TCERG1L: variants seen among roughly 807,000 people sequenced by gnomAD.
TCERG1L encodes transcription elongation regulator 1-like protein.
A neutral mutation model predicts 56.3 loss-of-function variants in TCERG1L; 37 were observed. The ratio of observed to expected loss-of-function variants is 0.66; its 90% CI spans 0.51 to 0.87. The LOEUF is 0.87. Ranked by LOEUF, TCERG1L falls within the 40% of genes least tolerant of loss-of-function variation. The pLI, the probability that TCERG1L is intolerant of heterozygous loss-of-function variation, is 0.00. For missense variants in TCERG1L, 799 were observed against 774.2 expected (o/e 1.03, Z -0.38); for synonymous variants, 324 against 326.3 (o/e 0.99, Z 0.08).
intron 11 of TCERG1L, among the ~76,000 whole-genome samples, chr10:131,095,057 T>A (rs1033331622): frequency 1.3e-5 from 2 of 152,158 alleles, no homozygotes; most frequent in African/African-American, 4.8e-5. Context: ...CTCACGAAGG[T>A]CAGCTGATTC....
At chr10:131,193,119 T>A (rs1323802087) in intron 4 of TCERG1L, among the ~76,000 whole-genome samples, 3 of 152,248 alleles carry the variant, frequency 2.0e-5, no homozygotes, top group Non-Finnish European at 4.4e-5. Flanking sequence ...TGATGTTAAG[T>A]ATTTGTCATA....
At chr10:131,158,039 T>A (rs1382724358) in intron 6 of TCERG1L, among the ~76,000 whole-genome samples, 1 of 152,270 alleles carries the variant, frequency 6.6e-6, no homozygotes, top group East Asian at 1.9e-4. Flanking sequence ...AGTATTACAT[T>A]AATGCTTTCA....
At chr10:131,256,992 G>GGAAGGAAGGAAAGGAAGAAAGAAAGAAA (rs1846173015) in intron 4 of TCERG1L, among the ~76,000 whole-genome samples, 2 of 59,170 alleles carry the variant, frequency 3.4e-5, no homozygotes, top group African/African-American at 1.1e-4. Context: ...AAGGAAGGAA[G>GGAAGGAAGGAAAGGAAGAAAGAAAGAAA]GAAAGAAAGA....
At chr10:131,109,497 T>G (rs1845389513) in intron 9 of TCERG1L, among the ~76,000 whole-genome samples, 1 of 152,178 alleles carries the variant, frequency 6.6e-6, no homozygotes, top group African/African-American at 2.4e-5. Flanking sequence ...TGTCTGTGGC[T>G]GTGTCTGTGA....
chr10:131,176,617 CACACCATGACATGTGCACAT>C, intron 4 of TCERG1L, among the ~76,000 whole-genome samples: 1 of 151,848 alleles, frequency 6.6e-6, no homozygotes, highest in Non-Finnish European at 1.5e-5. Flanking sequence ...GACACGTGCA[CACACCATGACATGTGCACAT>C]ACACCAAGAC....
chr10:131,151,809 G>T (rs569917126), intron 6 of TCERG1L, among the ~76,000 whole-genome samples: 1 of 152,188 alleles, frequency 6.6e-6, no homozygotes, highest in Non-Finnish European at 1.5e-5. Context: ...GGACATCCAG[G>T]CATTTCCATA....
chr10:131,292,128 C>G (rs765619438), intron 3 of TCERG1L, among the ~76,000 whole-genome samples: 13 of 152,172 alleles, frequency 8.5e-5, no homozygotes, highest in South Asian at 4.1e-4. Flanking sequence ...CTAGAACTTC[C>G]TGAAAACAGT....
intron 4 of TCERG1L, among the ~76,000 whole-genome samples, chr10:131,181,092 C>T (rs1845170361): frequency 6.6e-6 from 1 of 152,212 alleles, no homozygotes; most frequent in South Asian, 2.1e-4. Context: ...AGACCATAAC[C>T]CCAGAGTCCA....
intron 7 of TCERG1L, among the ~76,000 whole-genome samples, chr10:131,137,372 G>A (rs755716999): frequency 5.3e-5 from 8 of 152,172 alleles, no homozygotes; most frequent in African/African-American, 1.2e-4. Context: ...TCCTCCCTGC[G>A]TCACTGGGCC....
chr10:131,268,269 TTTTTTA>T (rs1161103103), intron 3 of TCERG1L, among the ~76,000 whole-genome samples: 3 of 152,198 alleles, frequency 2.0e-5, no homozygotes, highest in Non-Finnish European at 4.4e-5. Context: ...GATAGGAATC[TTTTTTA>T]TTTTTATTTT....
Position 131,204,564 on chromosome 10 carries a change from G to A in TCERG1L, c.857-37679C>T, listed in dbSNP as rs147555989. 3.4e-3 allele frequency among the ~76,000 whole-genome samples: 520 copies of A among 152,330 alleles called. 2 individuals carry two copies. The highest frequency in any genetic ancestry group is 0.02 in the Admixed American group (312 of 15,304). On this transcript the variant is annotated intron_variant, in intron 4 of 11. Coordinates refer to ENST00000368642, the MANE Select transcript of TCERG1L (RefSeq NM_174937.4). ...TGGTGGGTCCTGGCTTCCCAGCAGC[G>A]GTGGCCACAGTCACTGTGTGGGCTC...
intron 6 of TCERG1L, 79 bp from the exon 7 acceptor site, chr10:131,146,739 A>ATG: frequency 2.0e-6 from 3 of 1,493,644 alleles, no homozygotes; most frequent in South Asian, 1.4e-5. Flanking sequence ...CTCTCACTGA[A>ATG]AAAGCCCCTC....
chr10:131,297,030 A>G (rs557308224), intron 3 of TCERG1L, among the ~76,000 whole-genome samples: 89 of 152,136 alleles, frequency 5.9e-4, no homozygotes, highest in African/African-American at 2.1e-3. Context: ...CTGCACATAG[A>G]GACAGTTTTG....
chr10:131,195,474 G>A (rs1337561550), intron 4 of TCERG1L, among the ~76,000 whole-genome samples: 1 of 152,210 alleles, frequency 6.6e-6, no homozygotes, highest in Non-Finnish European at 1.5e-5. Context: ...ATCCACAGCA[G>A]GCCACAGCAG....
At chr10:131,229,103 C>T (rs1242518539) in intron 4 of TCERG1L, among the ~76,000 whole-genome samples, 1 of 126,616 alleles carries the variant, frequency 7.9e-6, no homozygotes, top group African/African-American at 3.1e-5. Context: ...GTCTTCCCTC[C>T]AGACAGGCAT....
intron 8 of TCERG1L, among the ~76,000 whole-genome samples, chr10:131,131,021 C>T (rs1289154212): frequency 2.6e-5 from 4 of 152,118 alleles, no homozygotes; most frequent in Non-Finnish European, 4.4e-5. Flanking sequence ...GGGGCATTCC[C>T]GTGAGCACCC....
At chr10:131,141,550 C>T (rs887909902) in intron 7 of TCERG1L, among the ~76,000 whole-genome samples, 2 of 152,152 alleles carry the variant, frequency 1.3e-5, no homozygotes, top group African/African-American at 4.8e-5. Context: ...AGTCACCAGT[C>T]CCTAAATAAA....
intron 4 of TCERG1L, among the ~76,000 whole-genome samples, chr10:131,201,723 T>A (rs1044836478): frequency 2.0e-5 from 3 of 152,220 alleles, no homozygotes; most frequent in Non-Finnish European, 4.4e-5. Context: ...ATCTCCGAAT[T>A]TTACACTGCA....
intron 6 of TCERG1L, among the ~76,000 whole-genome samples, chr10:131,149,611 T>C (rs1845841495): frequency 6.6e-6 from 1 of 152,152 alleles, no homozygotes; most frequent in South Asian, 2.1e-4. Flanking sequence ...GCAGACCTGG[T>C]GATGACCTGC....
Sources: allele counts gnomAD v4.1 joint callset (sites outside exome capture counted in the v4.1 genomes callset), GRCh38; gene constraint gnomAD v4.1.1; transcripts MANE v1.5; gene names NCBI Gene and HGNC (gene_info 2026-07-23, HGNC 2026-07-21).